Variants in SERGEF observed in about 807,000 individuals in gnomAD.
SERGEF encodes the protein secretion-regulating guanine nucleotide exchange factor.
A neutral mutation model predicts 50.0 loss-of-function variants in SERGEF; 51 were observed. The observed-to-expected ratio is 1.02, with a 90% CI of 0.81 to 1.29. SERGEF has a LOEUF of 1.29. SERGEF is among the 50% of genes most tolerant of loss of function. The pLI is 0.00. For synonymous variants in SERGEF, 205 were observed against 212.4 expected (o/e 0.97, Z 0.30); for missense variants, 521 against 557.0 (o/e 0.94, Z 0.65).
chr11:17,810,443 C>T (rs1849846767), intron 10 of SERGEF, among the ~76,000 whole-genome samples: 1 of 152,196 alleles, frequency 6.6e-6, no homozygotes, highest in Admixed American at 6.5e-5. Flanking sequence ...AACAATCATG[C>T]CTACACTGAG....
intron 10 of SERGEF, among the ~76,000 whole-genome samples, chr11:17,865,157 A>G (rs138037356): frequency 4.5e-4 from 68 of 152,302 alleles, no homozygotes; most frequent in Middle Eastern, 3.4e-3. Flanking sequence ...AAAAATTCCT[A>G]TTGCCTACTG....
At chr11:17,989,394 G>C (rs572112682) in intron 7 of SERGEF, among the ~76,000 whole-genome samples, 1 of 152,132 alleles carries the variant, frequency 6.6e-6, no homozygotes, top group Non-Finnish European at 1.5e-5. Context: ...ACTAGCTATT[G>C]ACCTTGGACA....
intron 9 of SERGEF, among the ~76,000 whole-genome samples, chr11:17,945,569 C>T (rs1292674327): frequency 6.6e-6 from 1 of 152,188 alleles, no homozygotes; most frequent in Non-Finnish European, 1.5e-5. Flanking sequence ...CTAGAAAGTT[C>T]TACTGGACAG....
At chr11:18,011,707 T>C (rs1339067151) in intron 1 of SERGEF, among the ~76,000 whole-genome samples, 1 of 152,190 alleles carries the variant, frequency 6.6e-6, no homozygotes, top group Non-Finnish European at 1.5e-5. Context: ...TTCGGCTTTG[T>C]CTGTACTGAA....
chr11:17,994,992 G>A (rs1853805956), intron 6 of SERGEF, among the ~76,000 whole-genome samples: 1 of 152,042 alleles, frequency 6.6e-6, no homozygotes, highest in Non-Finnish European at 1.5e-5. Context: ...GGTAAACTCG[G>A]TCACAAAGTA....
chr11:17,974,916 C>T (rs558250080), intron 8 of SERGEF, among the ~76,000 whole-genome samples: 2 of 152,252 alleles, frequency 1.3e-5, no homozygotes, highest in East Asian at 3.9e-4. Context: ...GTGAATAGAG[C>T]CACTGACTCT....
At chr11:17,866,303 T>C (rs543955941) in intron 10 of SERGEF, among the ~76,000 whole-genome samples, 1 of 152,274 alleles carries the variant, frequency 6.6e-6, no homozygotes, top group Non-Finnish European at 1.5e-5. Flanking sequence ...ACTCCATAAA[T>C]AGTTTTCAGA....
chr11:17,994,097 G>C (rs1344036583), intron 6 of SERGEF, among the ~76,000 whole-genome samples: 1 of 152,116 alleles, frequency 6.6e-6, no homozygotes, highest in African/African-American at 2.4e-5. Context: ...ATAATCTTCA[G>C]CATATGAGAA....
chr11:17,875,530 C>T (rs1408999372), intron 10 of SERGEF, among the ~76,000 whole-genome samples: 6 of 152,240 alleles, frequency 3.9e-5, no homozygotes, highest in African/African-American at 1.4e-4. Context: ...TCACAGCATT[C>T]GCTTCTATGT....
chr11:17,908,418 T>G (rs1851891548), intron 9 of SERGEF, among the ~76,000 whole-genome samples: 1 of 152,154 alleles, frequency 6.6e-6, no homozygotes, highest in Non-Finnish European at 1.5e-5. Context: ...TCTAAGGCAA[T>G]TTCCGCTCAT....
At chr11:17,941,844 T>C (rs984061462) in intron 9 of SERGEF, among the ~76,000 whole-genome samples, 5 of 152,194 alleles carry the variant, frequency 3.3e-5, no homozygotes, top group African/African-American at 1.2e-4. Flanking sequence ...TTGGGTGGTA[T>C]CTCATTGTGG....
intron 9 of SERGEF, among the ~76,000 whole-genome samples, chr11:17,957,813 C>T (rs1852906982): frequency 6.6e-6 from 1 of 150,598 alleles, no homozygotes; most frequent in Admixed American, 6.6e-5. Flanking sequence ...ACCTTCTAAT[C>T]ATGTAATGTT....
chr11:18,012,527 G>A (rs570960691), intron 1 of SERGEF: 6 of 1,124,986 alleles, frequency 5.3e-6, no homozygotes, highest in Middle Eastern at 4.1e-4. Flanking sequence ...TCGCCAGGCT[G>A]GGACAGGGTC....
intron 9 of SERGEF, among the ~76,000 whole-genome samples, chr11:17,903,952 A>G (rs1175719818): frequency 6.6e-6 from 1 of 152,222 alleles, no homozygotes; most frequent in African/African-American, 2.4e-5. Context: ...TCCCTCCTTC[A>G]CCTTGGCCGT....
At chr11:17,810,348 A>G (rs1483247938) in intron 10 of SERGEF, among the ~76,000 whole-genome samples, 1 of 152,240 alleles carries the variant, frequency 6.6e-6, no homozygotes, top group Non-Finnish European at 1.5e-5. Flanking sequence ...TCCCGCAATC[A>G]GGAATGCCCT....
chr11:17,951,178 T>C (rs907106908), intron 9 of SERGEF, among the ~76,000 whole-genome samples: 1 of 152,204 alleles, frequency 6.6e-6, no homozygotes, highest in Non-Finnish European at 1.5e-5. Context: ...CTCTGACCCA[T>C]ACTTTTAACA....
intron 9 of SERGEF, chr11:17,939,465 C>T (rs1453102181): frequency 1.3e-5 from 2 of 152,166 alleles, no homozygotes; most frequent in Non-Finnish European, 2.9e-5. Flanking sequence ...ATCTAACTCC[C>T]CTGAGCCCCA....
At chr11:17,897,184 T>A (rs1218497826) in intron 9 of SERGEF, among the ~76,000 whole-genome samples, 1 of 152,168 alleles carries the variant, frequency 6.6e-6, no homozygotes, top group African/African-American at 2.4e-5. Flanking sequence ...GAGAGCAGCA[T>A]CTATTGCTGA....
chr11:17,830,591 GGA>G (rs1196703731), intron 10 of SERGEF, among the ~76,000 whole-genome samples: 1 of 107,384 alleles, frequency 9.3e-6, no homozygotes, highest in East Asian at 4.6e-4. Flanking sequence ...ATGGGGAGAG[GGA>G]GAGAGGTGGA....
Sources: gnomAD v4.1 joint callset for allele counts (sites outside exome capture counted in the v4.1 genomes callset) on GRCh38, gnomAD v4.1.1 for gene constraint, MANE v1.5 for transcripts, NCBI Gene and HGNC (gene_info 2026-07-23, HGNC 2026-07-21) for gene names.